AGBL1: variants seen among roughly 807,000 people sequenced by gnomAD.
AGBL1 encodes cytosolic carboxypeptidase 4.
A neutral mutation model predicts 118.9 loss-of-function variants in AGBL1; 130 were observed. The observed-to-expected ratio is 1.09, with a 90% CI of 0.95 to 1.26. The LOEUF (loss-of-function observed/expected upper bound fraction) is 1.26, where lower values mean the gene tolerates loss of function less well. Ranked by LOEUF, AGBL1 falls within the 50% of genes most tolerant of loss-of-function variation. AGBL1 has a pLI of 0.00. For synonymous variants in AGBL1, 555 were observed against 478.9 expected, an observed-to-expected ratio of 1.16 and a Z score of -2.08; for missense variants, 1,584 against 1,298.1, an observed-to-expected ratio of 1.22 and a Z score of -3.38.
At chr15:86,222,885 C>A (rs1440048289) in intron 5 of AGBL1, among the ~76,000 whole-genome samples, 1 of 152,164 alleles carries the variant, frequency 6.6e-6, no homozygotes, top group Non-Finnish European at 1.5e-5. Context: ...CTAAGCCATA[C>A]TGATACTGTC....
chr15:86,829,177 G>A (rs150565473), intron 22 of AGBL1, among the ~76,000 whole-genome samples: 73 of 152,096 alleles, frequency 4.8e-4, no homozygotes, highest in African/African-American at 1.7e-3. Flanking sequence ...ACCATGTGCT[G>A]GGACTGTCTA....
At chr15:86,348,912 A>G (rs373113303) in intron 17 of AGBL1, among the ~76,000 whole-genome samples, 5 of 152,182 alleles carry the variant, frequency 3.3e-5, no homozygotes, top group African/African-American at 1.2e-4. Flanking sequence ...ATGTTGAGGA[A>G]GAGGTCTCTG....
At chr15:86,947,091 T>A (rs1420842576) in intron 23 of AGBL1, among the ~76,000 whole-genome samples, 1 of 152,138 alleles carries the variant, frequency 6.6e-6, no homozygotes, top group African/African-American at 2.4e-5. Flanking sequence ...ACGAAGATCA[T>A]CTCTGCTGCT....
intron 18 of AGBL1, among the ~76,000 whole-genome samples, chr15:86,509,499 A>G (rs934898470): frequency 6.6e-6 from 1 of 152,158 alleles, no homozygotes; most frequent in African/African-American, 2.4e-5. Flanking sequence ...TAGTTTACAC[A>G]TCCTTTTTTA....
At chr15:86,116,951 CT>C (rs35297740) in intron 1 of AGBL1, among the ~76,000 whole-genome samples, 3,848 of 139,526 alleles carry the variant, frequency 0.028, 140 homozygotes, top group African/African-American at 0.087. Flanking sequence ...CTTTTCTTTT[CT>C]TTTTTTTTTT....
chr15:86,749,959 G>A (rs1348657632), intron 22 of AGBL1, among the ~76,000 whole-genome samples: 1 of 152,238 alleles, frequency 6.6e-6, no homozygotes, highest in South Asian at 2.1e-4. Context: ...AGGGATATTG[G>A]TCTAAAATTC....
At chr15:86,942,248 G>T (rs572076195) in intron 23 of AGBL1, among the ~76,000 whole-genome samples, 39 of 152,292 alleles carry the variant, frequency 2.6e-4, no homozygotes, top group African/African-American at 8.9e-4. Context: ...GACAGCAACA[G>T]TCACCACCCA....
rs182152297 is a variant in AGBL1, at chr15:86,562,922, T to C, written c.2994+8385T>C. Among the ~76,000 whole-genome samples the C allele has an allele frequency of 4.4e-3, 677 of 152,320 alleles. 11 individuals are homozygous for C. The highest frequency in any genetic ancestry group is 0.016 in the African/African-American group (647 of 41,566). On this transcript the variant is annotated intron_variant, in intron 21 of 22. Coordinates refer to ENST00000614907, the MANE Select transcript of AGBL1 (RefSeq NM_001386094.1). ...TCCATGTCTTCTAGATTTTCTAGTT[T>C]ATTTGTGTAGAGTTGTTTGTAGTAT...
intron 18 of AGBL1, among the ~76,000 whole-genome samples, chr15:86,411,865 A>T (rs568661102): frequency 2.6e-4 from 39 of 152,316 alleles, no homozygotes; most frequent in South Asian, 1.7e-3. Flanking sequence ...TAGTGATTAC[A>T]GCAGGATTTT....
chr15:86,786,928 T>C (rs2078420594), intron 22 of AGBL1, among the ~76,000 whole-genome samples: 1 of 152,204 alleles, frequency 6.6e-6, no homozygotes, highest in Non-Finnish European at 1.5e-5. Flanking sequence ...GTTCATCTTC[T>C]GGATGTTGCC....
chr15:86,944,829 T>A (rs1182933707), intron 23 of AGBL1, among the ~76,000 whole-genome samples: 1 of 152,168 alleles, frequency 6.6e-6, no homozygotes. Flanking sequence ...GTAAGAATCT[T>A]TAAGATAGAG....
chr15:86,421,691 T>G (rs2081792296), intron 18 of AGBL1, among the ~76,000 whole-genome samples: 1 of 152,158 alleles, frequency 6.6e-6, no homozygotes, highest in South Asian at 2.1e-4. Context: ...ATCGGTGTGC[T>G]GTATTCAGGA....
At chr15:86,498,872 G>T (rs568761518) in intron 18 of AGBL1, among the ~76,000 whole-genome samples, 97 of 152,000 alleles carry the variant, frequency 6.4e-4, no homozygotes, top group Admixed American at 1.7e-3. Flanking sequence ...CAAAGTACAG[G>T]CCTGAATTTT....
intron 24 of AGBL1, among the ~76,000 whole-genome samples, chr15:87,014,653 A>G (rs906704721): frequency 1.3e-5 from 2 of 152,226 alleles, no homozygotes; most frequent in Admixed American, 6.5e-5. Context: ...ATCAGAAGGA[A>G]GAGGTACAGA....
chr15:87,019,765 C>T (rs1484771279), intron 24 of AGBL1, among the ~76,000 whole-genome samples: 1 of 151,656 alleles, frequency 6.6e-6, no homozygotes, highest in African/African-American at 2.4e-5. Context: ...CAATAAATAA[C>T]CAAGATTAGA....
downstream of AGBL1, among the ~76,000 whole-genome samples, chr15:87,030,897 G>T (rs1043459490): frequency 1.3e-5 from 2 of 151,882 alleles, no homozygotes; most frequent in Admixed American, 1.3e-4. Flanking sequence ...TCTACACTCT[G>T]GTAGGATGTT....
rs574932748 is a variant in AGBL1, at chr15:86,739,044, G to C, written c.3158+64608G>C. On this transcript the variant is annotated intron_variant, in intron 22 of 22. Coordinates refer to ENST00000614907, the MANE Select transcript of AGBL1 (RefSeq NM_001386094.1). Reference sequence around the variant, plus strand: ...GCTTGTAGTCACAGCTACTCAGGAGGCTAAGGCAGGAGAATTGCTTGAGCC... The same window carrying C: ...GCTTGTAGTCACAGCTACTCAGGAGCCTAAGGCAGGAGAATTGCTTGAGCC... 2.2e-3 allele frequency among the ~76,000 whole-genome samples: 342 copies of C among 152,208 alleles called. 1 individual carries two copies. The highest frequency in any genetic ancestry group is 4.8e-3 in the Admixed American group (73 of 15,290).
intron 24 of AGBL1, among the ~76,000 whole-genome samples, chr15:87,015,313 T>C (rs1465565187): frequency 6.6e-6 from 1 of 152,170 alleles, no homozygotes; most frequent in African/African-American, 2.4e-5. Flanking sequence ...TCCATAATCA[T>C]GGAAGCCAAT....
In AGBL1 at chr15:86,267,037, T is replaced by G; in HGVS notation, c.1799T>G (p.Phe600Cys). Residue 600 changes from phenylalanine (F) to cysteine (C), a missense_variant, in exon 13 of 23, where the codon TTT becomes TGT. By Grantham distance (205) the Phe-to-Cys change is radical. Coordinates refer to ENST00000614907, the MANE Select transcript of AGBL1 (RefSeq NM_001386094.1). ...AATTGTTTACGGTTCTTCTCCAAATTTGAGTCAGGAAATCTTCGCAAAGCC... is the reference window on the plus strand; with the variant it reads ...AATTGTTTACGGTTCTTCTCCAAATGTGAGTCAGGAAATCTTCGCAAAGCC... ...ASNCLRFFSK[F>C]ESGNLRKAIQ... is the part of the protein sequence containing the mutation. The G allele has an allele frequency of 6.4e-7, 1 of 1,570,636 alleles. No individual in the cohort carries two copies. The highest frequency in any genetic ancestry group is 8.6e-7 in the Non-Finnish European group (1 of 1,156,478).
Sources: allele counts gnomAD v4.1 joint callset (sites outside exome capture counted in the v4.1 genomes callset), GRCh38; gene constraint gnomAD v4.1.1; transcripts MANE v1.5; gene names NCBI Gene and HGNC (gene_info 2026-07-23, HGNC 2026-07-21).